CALN1: variants seen among roughly 807,000 people sequenced by gnomAD.
The protein encoded by CALN1 is calcium-binding protein 8.
In CALN1, 17 loss-of-function variants were observed where a neutral mutation model predicts 30.6. The observed-to-expected ratio is 0.56, with a 90% confidence interval of 0.38 to 0.83. The LOEUF is 0.83. Ranked by LOEUF, CALN1 falls within the 40% of genes least tolerant of loss-of-function variation. CALN1 has a pLI of 0.00. For missense variants in CALN1, 291 were observed against 354.9 expected, an observed-to-expected ratio of 0.82 and a Z score of 1.45; for synonymous variants, 156 against 131.4, an observed-to-expected ratio of 1.19 and a Z score of -1.28.
chr7:72,063,092 T>C (rs1208009856), intron 4 of CALN1, among the ~76,000 whole-genome samples: 4 of 152,036 alleles, frequency 2.6e-5, no homozygotes, highest in African/African-American at 4.8e-5. Flanking sequence ...CACAAAGACA[T>C]AAGGTTTTCT....
At chr7:72,277,757 G>A (rs1326760828) in intron 3 of CALN1, among the ~76,000 whole-genome samples, 2 of 152,096 alleles carry the variant, frequency 1.3e-5, no homozygotes, top group South Asian at 2.1e-4. Context: ...TGGGAGAAAT[G>A]AGGCTCCCTA....
intron 2 of CALN1, among the ~76,000 whole-genome samples, chr7:72,400,493 T>C (rs1466309841): frequency 1.3e-5 from 2 of 152,192 alleles, no homozygotes; most frequent in Non-Finnish European, 2.9e-5. Flanking sequence ...CATTGCTCCT[T>C]CTCTGACACT....
intron 5 of CALN1, among the ~76,000 whole-genome samples, chr7:71,939,132 A>T (rs1413780610): frequency 1.3e-5 from 2 of 152,190 alleles, no homozygotes; most frequent in African/African-American, 4.8e-5. Flanking sequence ...TTGCAACACA[A>T]TGATAGGCAA....
intron 5 of CALN1, among the ~76,000 whole-genome samples, chr7:71,865,198 A>G (rs2116692919): frequency 6.6e-6 from 1 of 152,270 alleles, no homozygotes; most frequent in Admixed American, 6.5e-5. Context: ...TGGAGGAGAT[A>G]CTTGGATCGT....
chr7:71,877,224 T>G (rs903290786), intron 5 of CALN1, among the ~76,000 whole-genome samples: 1 of 152,168 alleles, frequency 6.6e-6, no homozygotes, highest in Non-Finnish European at 1.5e-5. Flanking sequence ...CTTAAATGTA[T>G]TAAAGACCAC....
intron 5 of CALN1, among the ~76,000 whole-genome samples, chr7:71,970,777 G>A (rs749984239): frequency 1.2e-4 from 18 of 152,246 alleles, no homozygotes; most frequent in Non-Finnish European, 2.4e-4. Context: ...AAGGGCTCAA[G>A]TCATCACCAT....
At chr7:72,332,094 C>G (rs1054882482) in intron 2 of CALN1, among the ~76,000 whole-genome samples, 21 of 152,130 alleles carry the variant, frequency 1.4e-4, no homozygotes, top group African/African-American at 4.3e-4. Flanking sequence ...TTTATCCAGT[C>G]TATCACTGAT....
intron 3 of CALN1, among the ~76,000 whole-genome samples, chr7:72,132,515 A>T (rs1416896187): frequency 6.6e-6 from 1 of 152,138 alleles, no homozygotes; most frequent in Non-Finnish European, 1.5e-5. Context: ...TTCCATCTCC[A>T]GTTAACTGAC....
chr7:71,805,954 G>A (rs527774973), intron 6 of CALN1, among the ~76,000 whole-genome samples: 3 of 152,248 alleles, frequency 2.0e-5, no homozygotes, highest in South Asian at 2.1e-4. Context: ...GATGGAGCTC[G>A]AAGCCATCAT....
At chr7:72,396,462 G>A (rs1267952954) in intron 2 of CALN1, among the ~76,000 whole-genome samples, 2 of 150,760 alleles carry the variant, frequency 1.3e-5, no homozygotes, top group African/African-American at 2.4e-5. Context: ...GAGAAATAGA[G>A]CAATGTATGC....
At chr7:72,045,126 T>C (rs1156420185) in intron 4 of CALN1, among the ~76,000 whole-genome samples, 4 of 152,152 alleles carry the variant, frequency 2.6e-5, no homozygotes, top group Non-Finnish European at 5.9e-5. Flanking sequence ...AGTCATCCAT[T>C]TGAATGAATC....
intron 4 of CALN1, among the ~76,000 whole-genome samples, chr7:72,028,205 C>A (rs972929288): frequency 1.4e-4 from 21 of 152,066 alleles, no homozygotes; most frequent in Middle Eastern, 3.2e-3. Flanking sequence ...CCCATGCTTG[C>A]CAGCACCAGG....
At chr7:71,949,793 G>A (rs1021949706) in intron 5 of CALN1, among the ~76,000 whole-genome samples, 3 of 151,010 alleles carry the variant, frequency 2.0e-5, no homozygotes, top group South Asian at 2.1e-4. Context: ...ATGGAGTCTC[G>A]CTTTGTCGCC....
At chr7:71,814,918 C>T (rs1304853109) in intron 5 of CALN1, among the ~76,000 whole-genome samples, 1 of 151,586 alleles carries the variant, frequency 6.6e-6, no homozygotes, top group African/African-American at 2.4e-5. Context: ...ACTGTAATCT[C>T]CGCCTCCTGG....
intron 5 of CALN1, among the ~76,000 whole-genome samples, chr7:71,869,851 G>A (rs751094073): frequency 1.2e-4 from 19 of 152,098 alleles, no homozygotes; most frequent in East Asian, 1.9e-4. Flanking sequence ...GCGAGTTGCC[G>A]CAGGATCGTG....
At chr7:72,276,209 G>A (rs2129553863) in intron 3 of CALN1, among the ~76,000 whole-genome samples, 1 of 152,290 alleles carries the variant, frequency 6.6e-6, no homozygotes, top group African/African-American at 2.4e-5. Context: ...AGTCCCTCCT[G>A]CTGATGACTG....
At chr7:71,819,903 G>A (rs1171593521) in intron 5 of CALN1, among the ~76,000 whole-genome samples, 1 of 152,062 alleles carries the variant, frequency 6.6e-6, no homozygotes, top group African/African-American at 2.4e-5. Context: ...CATCGGAATG[G>A]ACCCCACTTC....
intron 5 of CALN1, among the ~76,000 whole-genome samples, chr7:71,946,982 C>T (rs557350263): frequency 3.2e-4 from 49 of 152,114 alleles, no homozygotes; most frequent in African/African-American, 9.2e-4. Flanking sequence ...GCAGAAGCCA[C>T]GTTTGGTGGG....
In CALN1 at chr7:72,068,726, A is replaced by C. The variant is rs187762306; in HGVS notation, c.388+37425T>G. ...GGCTGGTCTCGAACTCCTGGCCTCA[A>C]GTGATCTGCCTGCCTCGGCCTCCCA... On this transcript the variant is annotated intron_variant, in intron 4 of 6. Coordinates refer to ENST00000395275, the MANE Select transcript of CALN1 (RefSeq NM_031468.4). Among the ~76,000 whole-genome samples the C allele has an allele frequency of 5.6e-3, 858 of 152,206 alleles. 5 individuals are homozygous for C. Among genetic ancestry groups the C allele is most frequent in the Admixed American group, 0.023 (344 of 15,266 alleles).
Sources: gnomAD v4.1 joint callset for allele counts (sites outside exome capture counted in the v4.1 genomes callset) on GRCh38, gnomAD v4.1.1 for gene constraint, MANE v1.5 for transcripts, NCBI Gene and HGNC (gene_info 2026-07-23, HGNC 2026-07-21) for gene names.